Variants in CHAT observed in about 807,000 individuals in gnomAD.
The protein encoded by CHAT is choline O-acetyltransferase, also known as acetyl CoA:choline O-acetyltransferase.
A neutral mutation model predicts 76.9 loss-of-function variants in CHAT; 61 were observed. The ratio of observed to expected loss-of-function variants is 0.79; its 90% confidence interval spans 0.65 to 0.98. The LOEUF (loss-of-function observed/expected upper bound fraction) is 0.98. Among genes scored for constraint, CHAT ranks in the 50% least tolerant of loss-of-function variants. CHAT has a pLI of 0.00. For missense variants in CHAT, 946 were observed against 986.9 expected (o/e 0.96, Z 0.56); for synonymous variants, 407 against 397.4 (o/e 1.02, Z -0.29).
intron 1 of CHAT, chr10:49,615,828 GGGCACTCCTAT>G (rs1838469804): frequency 1.7e-6 from 1 of 586,986 alleles, no homozygotes. Flanking sequence ...ATACCTCCCT[GGGCACTCCTAT>G]GGCATCTACA....
rs548738743 is a variant in CHAT at position 49,639,412 on chromosome 10, T to C, written c.1112-7093T>C. Among the ~76,000 whole-genome samples, 14 of 151,018 alleles carry C rather than the reference T, an allele frequency of 9.3e-5. 1 individual carries two copies. The South Asian group carries it at 2.7e-3, about 29-fold the overall frequency. On this transcript the variant is annotated intron_variant, in intron 7 of 14. Transcript: ENST00000337653. ...ATATAGAATTCTGGATTGATAGTTC[T>C]TTTTTTTTCAGCACTTACAAAATAT...
rs1442674832 is a variant in CHAT at position 49,665,719 on chromosome 10, G to T, written c.*673G>T. Among the ~76,000 whole-genome samples the T allele has an allele frequency of 6.6e-6, 1 of 152,120 alleles. No individual in the cohort carries two copies. The highest frequency in any genetic ancestry group is 6.5e-5 in the Admixed American group (1 of 15,278). On this transcript the variant is annotated 3_prime_UTR_variant, in exon 15 of 15. Coordinates refer to ENST00000337653, the MANE Select transcript of CHAT (RefSeq NM_020549.5). Reference sequence around the variant, plus strand: ...TGTTGAGCTCAGAAAATTGTGTCCAGCTATTCTGAAAGGAAAAAAAAATTT... The same window carrying T: ...TGTTGAGCTCAGAAAATTGTGTCCATCTATTCTGAAAGGAAAAAAAAATTT...
chr10:49,626,225 C>A (rs1838917031), intron 6 of CHAT, among the ~76,000 whole-genome samples: 1 of 152,214 alleles, frequency 6.6e-6, no homozygotes, highest in South Asian at 2.1e-4. Flanking sequence ...CCCTGCAGCT[C>A]AGGTCCTCAG....
chr10:49,644,056 G>C (rs1462538719), intron 7 of CHAT, among the ~76,000 whole-genome samples: 2 of 152,244 alleles, frequency 1.3e-5, no homozygotes, highest in African/African-American at 2.4e-5. Context: ...CCTGACAAGA[G>C]TGCAATTCCA....
chr10:49,620,534 C>G lies in CHAT; in HGVS notation c.619C>G (p.Arg207Gly), dbSNP rs760936252. The G allele has an allele frequency of 6.2e-7, 1 of 1,613,894 alleles. No homozygotes were observed. Among genetic ancestry groups the G allele is most frequent in the Non-Finnish European group, 8.5e-7 (1 of 1,179,872 alleles). ...YWLNDMYLNN[R>G]LALPVNSSPA... ...GCTGAATGACATGTATCTCAACAACCGCCTGGCCCTGCCTGTCAACTCCAG... is the reference window on the plus strand; with the variant it reads ...GCTGAATGACATGTATCTCAACAACGGCCTGGCCCTGCCTGTCAACTCCAG... The change falls in exon 4 of 15, where the codon CGC becomes GGC. Residue 207 changes from arginine (R) to glycine (G), a missense_variant. Transcript: ENST00000337653.
upstream of CHAT, chr10:49,612,385 G>C (rs1417851428): frequency 3.9e-6 from 6 of 1,531,050 alleles, no homozygotes; most frequent in African/African-American, 5.5e-5. Flanking sequence ...TGGGTCAAGG[G>C]GGCTGCTCTG....
intron 13 of CHAT, among the ~76,000 whole-genome samples, chr10:49,660,801 A>G (rs1840170643): frequency 6.6e-6 from 1 of 152,148 alleles, no homozygotes; most frequent in Non-Finnish European, 1.5e-5. Context: ...GGGAAAGGAG[A>G]GATACAAAGA....
chr10:49,611,238 A>G (rs761697842), upstream of CHAT: 40 of 1,613,626 alleles, frequency 2.5e-5, no homozygotes, highest in Non-Finnish European at 3.3e-5. Context: ...TCGCCTCTAC[A>G]GTCCTGTTCG....
At chr10:49,630,284 G>T in intron 7 of CHAT, among the ~76,000 whole-genome samples, 1 of 152,194 alleles carries the variant, frequency 6.6e-6, no homozygotes, top group East Asian at 1.9e-4. Context: ...ATGCAAAGGG[G>T]ATTGAGAAAG....
At chr10:49,630,846 G>A (rs1468261818) in intron 7 of CHAT, among the ~76,000 whole-genome samples, 8 of 152,160 alleles carry the variant, frequency 5.3e-5, no homozygotes, top group African/African-American at 1.4e-4. Flanking sequence ...GCTCCCAACT[G>A]GTACCTCCTG....
intron 1 of CHAT, chr10:49,616,160 G>C: frequency 6.8e-7 from 1 of 1,465,360 alleles, no homozygotes; most frequent in East Asian, 2.3e-5. Flanking sequence ...TTATCTATTG[G>C]GTTCCAGGCA....
At position 49,648,553 on chromosome 10, in the gene CHAT, C is replaced by T. The variant is rs1412764371; in HGVS notation, c.1328C>T (p.Ser443Phe). 6.2e-7 allele frequency: 1 copy of T among 1,614,002 alleles called. No individual in the cohort carries two copies. ...ACCTGCGGTGTGGTGTGCGAACACT[C>T]CCCATTCGATGGCATCGTCCTGGTG... ...DGTCGVVCEH[S>F]PFDGIVLVQC... The change falls in exon 9 of 15, where the codon TCC becomes TTC. Residue 443 changes from serine to phenylalanine, a missense_variant. By Grantham distance (155) the Ser-to-Phe change is radical (BLOSUM62 -2). Coordinates refer to ENST00000337653, the MANE Select transcript of CHAT (RefSeq NM_020549.5).
At chr10:49,609,775 T>C (rs554868562), upstream of CHAT, among the ~76,000 whole-genome samples, 6 of 151,022 alleles carry the variant, frequency 4.0e-5, no homozygotes, top group South Asian at 1.3e-3. Context: ...GGAGAAAGGG[T>C]TGGGGGTGTC....
At chr10:49,614,008 A>G, upstream of CHAT, 1 of 1,110,050 alleles carries the variant, frequency 9.0e-7, no homozygotes, top group Non-Finnish European at 1.3e-6. Flanking sequence ...AGGCTGGAAT[A>G]ATGGGGTTGG....
At chr10:49,623,417 G>A (rs1367795231) in intron 5 of CHAT, among the ~76,000 whole-genome samples, 1 of 152,138 alleles carries the variant, frequency 6.6e-6, no homozygotes, top group African/African-American at 2.4e-5. Flanking sequence ...TTTCCTGAGT[G>A]CCTGTTTTGA....
chr10:49,647,701 T>G (rs1430364464), intron 8 of CHAT, among the ~76,000 whole-genome samples: 1 of 152,240 alleles, frequency 6.6e-6, no homozygotes, highest in Non-Finnish European at 1.5e-5. Flanking sequence ...GCACAGAATC[T>G]GGAACTCAGC....
At chr10:49,660,269 T>A (rs1840151982) in intron 13 of CHAT, among the ~76,000 whole-genome samples, 2 of 151,940 alleles carry the variant, frequency 1.3e-5, no homozygotes, top group African/African-American at 2.4e-5. Context: ...TGAAACCCCA[T>A]CTCTATTAAA....
intron 4 of CHAT, 38 bp downstream of exon 4, chr10:49,620,651 C>A: frequency 6.6e-7 from 1 of 1,519,242 alleles, no homozygotes; most frequent in Non-Finnish European, 9.1e-7. Context: ...ACCTGGGGAC[C>A]CACCCAAGGC....
chr10:49,641,769 T>C (rs1839489293), intron 7 of CHAT, among the ~76,000 whole-genome samples: 5 of 152,152 alleles, frequency 3.3e-5, no homozygotes, highest in South Asian at 2.1e-4. Context: ...GGGCATGGCA[T>C]AGAAATCTGA....
Sources: gnomAD v4.1 joint callset for allele counts (sites outside exome capture counted in the v4.1 genomes callset) on GRCh38, gnomAD v4.1.1 for gene constraint, MANE v1.5 for transcripts, NCBI Gene and HGNC (gene_info 2026-07-23, HGNC 2026-07-21) for gene names.